Variants in CRTC3 observed in about 807,000 individuals in gnomAD.
CRTC3 encodes the protein CREB-regulated transcription coactivator 3.
Under a neutral mutation model 74.5 loss-of-function variants are expected in CRTC3, and 26 were observed. That is an observed-to-expected ratio of 0.35 (90% CI 0.26 to 0.48). The LOEUF is 0.48. Among genes scored for constraint, CRTC3 ranks in the 20% least tolerant of loss-of-function variants. The probability of loss-of-function intolerance (pLI) is 0.99; values close to 1 mark genes in which losing one functional copy is unlikely to be tolerated. For synonymous variants in CRTC3, 377 were observed against 325.8 expected, an observed-to-expected ratio of 1.16 and a Z score of -1.69; for missense variants, 760 against 787.3, an observed-to-expected ratio of 0.97 and a Z score of 0.41.
intron 4 of CRTC3, among the ~76,000 whole-genome samples, chr15:90,603,059 C>T (rs1968117929): frequency 6.6e-6 from 1 of 152,090 alleles, no homozygotes; most frequent in African/African-American, 2.4e-5. Flanking sequence ...AAATCTAGAT[C>T]TTCATATTTA....
At chr15:90,634,920 A>G in intron 11 of CRTC3, 1 of 1,577,138 alleles carries the variant, frequency 6.3e-7, no homozygotes, top group African/African-American at 1.3e-5. Context: ...AGTTAGCGTG[A>G]AAGTTGGAGA....
At chr15:90,608,483 C>G (rs1968283479) in intron 6 of CRTC3, among the ~76,000 whole-genome samples, 1 of 152,192 alleles carries the variant, frequency 6.6e-6, no homozygotes, top group Non-Finnish European at 1.5e-5. Flanking sequence ...AGCACCCTCT[C>G]CATCCGTAAG....
chr15:90,574,906 C>G (rs2151071138), intron 2 of CRTC3, among the ~76,000 whole-genome samples: 1 of 152,188 alleles, frequency 6.6e-6, no homozygotes, highest in East Asian at 1.9e-4. Flanking sequence ...CTTTTTCTTA[C>G]TGATTTTTAG....
chr15:90,551,568 G>A (rs938702359), intron 2 of CRTC3, among the ~76,000 whole-genome samples: 4 of 152,264 alleles, frequency 2.6e-5, no homozygotes, highest in African/African-American at 9.6e-5. Flanking sequence ...AGTTCTTGGA[G>A]GAGGTAGGCA....
chr15:90,570,342 T>C (rs1311469856), intron 2 of CRTC3, among the ~76,000 whole-genome samples: 1 of 152,140 alleles, frequency 6.6e-6, no homozygotes, highest in Non-Finnish European at 1.5e-5. Context: ...GGCTCGGAGA[T>C]GGTCTAAGAA....
intron 11 of CRTC3, among the ~76,000 whole-genome samples, chr15:90,635,603 C>CCACCG (rs1969204610): frequency 6.6e-6 from 1 of 152,094 alleles, no homozygotes; most frequent in East Asian, 1.9e-4. Context: ...CAAGGTCATG[C>CCACCG]CACTGCACTC....
At chr15:90,554,138 T>A (rs559382320) in intron 2 of CRTC3, among the ~76,000 whole-genome samples, 1 of 152,228 alleles carries the variant, frequency 6.6e-6, no homozygotes, top group South Asian at 2.1e-4. Context: ...GAAGAATAAA[T>A]GAGTTGTTAT....
chr15:90,554,154 A>C (rs978163130), intron 2 of CRTC3, among the ~76,000 whole-genome samples: 8 of 152,020 alleles, frequency 5.3e-5, no homozygotes, highest in Non-Finnish European at 1.2e-4. Context: ...GTTATACATA[A>C]CACCCTTAGA....
At chr15:90,598,347 C>A in intron 3 of CRTC3, 1 of 686,632 alleles carries the variant, frequency 1.5e-6, no homozygotes. Flanking sequence ...TAACCCCACC[C>A]ACTGGTAAAC....
At chr15:90,574,227 C>A (rs1399166091) in intron 2 of CRTC3, among the ~76,000 whole-genome samples, 1 of 151,890 alleles carries the variant, frequency 6.6e-6, no homozygotes, top group Non-Finnish European at 1.5e-5. Flanking sequence ...ACCTGTAATC[C>A]CAGCACTTTG....
At chr15:90,537,626 C>T (rs895688296) in intron 1 of CRTC3, among the ~76,000 whole-genome samples, 4 of 152,118 alleles carry the variant, frequency 2.6e-5, no homozygotes, top group African/African-American at 7.2e-5. Flanking sequence ...CCTCGTGATC[C>T]GCCCGCCTCG....
intron 10 of CRTC3, among the ~76,000 whole-genome samples, chr15:90,627,347 C>T (rs1968873742): frequency 6.6e-6 from 1 of 152,176 alleles, no homozygotes; most frequent in South Asian, 2.1e-4. Context: ...ATTTGCTTCA[C>T]AGGAGAAACT....
chr15:90,562,908 C>T (rs1338598999), intron 2 of CRTC3, among the ~76,000 whole-genome samples: 1 of 152,044 alleles, frequency 6.6e-6, no homozygotes. Flanking sequence ...CAGGAGCAGA[C>T]CAGGCCACAC....
intron 11 of CRTC3, among the ~76,000 whole-genome samples, chr15:90,631,353 C>T (rs1269163935): frequency 2.6e-5 from 4 of 152,148 alleles, no homozygotes; most frequent in Non-Finnish European, 4.4e-5. Context: ...ATCCTCCTGC[C>T]TCAGCTGGGA....
At chr15:90,633,927 A>T (rs1969136866) in intron 11 of CRTC3, among the ~76,000 whole-genome samples, 1 of 149,896 alleles carries the variant, frequency 6.7e-6, no homozygotes, top group African/African-American at 2.5e-5. Context: ...TTGTTCTCTG[A>T]GTGTTCTTTT....
At chr15:90,602,478 A>G (rs1968095242) in intron 4 of CRTC3, 93 bp downstream of exon 4, 1 of 748,532 alleles carries the variant, frequency 1.3e-6, no homozygotes, top group Non-Finnish European at 2.3e-6. Context: ...AGAAATTTCT[A>G]ATATAAAGCA....
chr15:90,592,838 G>A (rs765904970), intron 2 of CRTC3, among the ~76,000 whole-genome samples: 5 of 152,114 alleles, frequency 3.3e-5, no homozygotes, highest in South Asian at 2.1e-4. Flanking sequence ...AGATGAGTGC[G>A]GCTCATTGTG....
At chr15:90,612,026 A>C (rs1451497862) in intron 6 of CRTC3, among the ~76,000 whole-genome samples, 8,300 of 50,946 alleles carry the variant, frequency 0.16, 1 homozygote, top group Admixed American at 0.2. Flanking sequence ...ACCACCCCCC[A>C]CTCCTCCTCC....
intron 5 of CRTC3, among the ~76,000 whole-genome samples, chr15:90,604,731 C>A (rs1388190267): frequency 2.0e-5 from 3 of 152,194 alleles, no homozygotes; most frequent in Middle Eastern, 6.8e-3. Context: ...GATAATGCTA[C>A]CTAGATCATG....
Sources: allele counts gnomAD v4.1 joint callset (sites outside exome capture counted in the v4.1 genomes callset), GRCh38; gene constraint gnomAD v4.1.1; transcripts MANE v1.5; gene names NCBI Gene and HGNC (gene_info 2026-07-23, HGNC 2026-07-21).